Variants in EHF observed in about 807,000 individuals in gnomAD.
EHF encodes the protein ETS homologous factor.
In EHF, 14 loss-of-function variants were observed where a neutral mutation model predicts 45.1. That is an observed-to-expected ratio of 0.31 (90% CI 0.21 to 0.49). The LOEUF is 0.49. EHF is among the 20% of genes least tolerant of loss of function. EHF has a pLI of 0.99. For missense variants in EHF, 282 were observed against 371.4 expected (o/e 0.76, Z 1.98); for synonymous variants, 136 against 131.8 (o/e 1.03, Z -0.22).
intron 6 of EHF, among the ~76,000 whole-genome samples, chr11:34,653,881 C>G (rs1855443129): frequency 1.3e-5 from 2 of 152,208 alleles, no homozygotes; most frequent in Admixed American, 6.5e-5. Context: ...CTGATGCCCT[C>G]TGTGATAAAC....
At chr11:34,643,068 A>ATGTGTGTGTGTGTGTG (rs780809590) in intron 2 of EHF, among the ~76,000 whole-genome samples, 1 of 144,866 alleles carries the variant, frequency 6.9e-6, no homozygotes, top group African/African-American at 2.5e-5. Flanking sequence ...GAGAAAGGGT[A>ATGTGTGTGTGTGTGTG]TGTGTGTGTG....
intron 1 of EHF, among the ~76,000 whole-genome samples, chr11:34,640,634 A>G (rs1565032211): frequency 6.6e-6 from 1 of 152,200 alleles, no homozygotes. Flanking sequence ...CTTTAGGGCA[A>G]TTGCTCTACA....
chr11:34,644,048 A>G (rs1422385359), intron 2 of EHF, among the ~76,000 whole-genome samples: 2 of 152,210 alleles, frequency 1.3e-5, no homozygotes, highest in South Asian at 2.1e-4. Flanking sequence ...AACTTCAGGA[A>G]TTTGGTGGGT....
At chr11:34,630,344 T>A (rs370375331) in intron 1 of EHF, among the ~76,000 whole-genome samples, 88 of 152,352 alleles carry the variant, frequency 5.8e-4, no homozygotes, top group African/African-American at 2.0e-3. Context: ...AAATGGTGCT[T>A]ATATTAGTAC....
intron 1 of EHF, among the ~76,000 whole-genome samples, chr11:34,638,826 C>G (rs1410551128): frequency 6.6e-6 from 1 of 152,222 alleles, no homozygotes; most frequent in Non-Finnish European, 1.5e-5. Flanking sequence ...GAAGTGAGTT[C>G]TTTTCCCAGC....
chr11:34,633,304 A>G (rs1853079619), intron 1 of EHF, among the ~76,000 whole-genome samples: 1 of 152,164 alleles, frequency 6.6e-6, no homozygotes, highest in Admixed American at 6.5e-5. Context: ...TCTACATTGA[A>G]TCTTTTGTCT....
intron 1 of EHF, among the ~76,000 whole-genome samples, chr11:34,637,744 C>T (rs1023311294): frequency 1.3e-5 from 2 of 151,982 alleles, no homozygotes; most frequent in East Asian, 3.9e-4. Flanking sequence ...AAACTTCTGC[C>T]CAAAGAGGTG....
chr11:34,661,679 A>T lies in EHF; in HGVS notation c.*2748A>T, dbSNP rs531582146. Among the ~76,000 whole-genome samples, 2 of 152,278 alleles carry T rather than the reference A, an allele frequency of 1.3e-5. No homozygotes were observed. The highest frequency in any genetic ancestry group is 3.9e-4 in the East Asian group (2 of 5,180). ...CGAGCTATGCCAACTTGGGGTGGTA[A>T]CAGAGTACTTCCCACCACAGTGTTG... On this transcript the variant is annotated 3_prime_UTR_variant, in exon 9 of 9. Transcript: ENST00000257831.
intron 1 of EHF, among the ~76,000 whole-genome samples, chr11:34,636,977 C>T (rs980033823): frequency 6.9e-6 from 1 of 145,282 alleles, no homozygotes; most frequent in Non-Finnish European, 1.5e-5. Flanking sequence ...TGTGGTGAGC[C>T]GAGATTGCGC....
chr11:34,654,090 G>A (rs575337981), intron 6 of EHF, among the ~76,000 whole-genome samples: 5 of 152,320 alleles, frequency 3.3e-5, no homozygotes, highest in East Asian at 3.9e-4. Context: ...TGTATATCCC[G>A]TAAAGAAATG....
chr11:34,635,840 G>C (rs1220570408), intron 1 of EHF, among the ~76,000 whole-genome samples: 1 of 152,050 alleles, frequency 6.6e-6, no homozygotes. Context: ...AGAGGAAGAG[G>C]GACAGGAGGG....
chr11:34,656,354 A>G (rs1177384627), intron 6 of EHF, among the ~76,000 whole-genome samples: 2 of 152,032 alleles, frequency 1.3e-5, no homozygotes, highest in Admixed American at 6.6e-5. Flanking sequence ...CTTAAAAGTC[A>G]TCTTCCTTTG....
chr11:34,651,787 A>C lies in EHF; in HGVS notation c.526A>C (p.Thr176Pro). The C allele has an allele frequency of 6.2e-7, 1 of 1,613,708 alleles. No individual in the cohort carries two copies. The highest frequency in any genetic ancestry group is 8.5e-7 in the Non-Finnish European group (1 of 1,179,802). Residue 176 changes from threonine (T) to proline (P), a missense_variant, in exon 6 of 9, where the codon ACC (threonine) becomes CCC (proline). Physicochemically the swap from Thr to Pro is conservative, Grantham distance 38. Around this residue, in one of 3 missense-constraint regions of EHF, gnomAD observed 213 missense variants for 247.3 expected, o/e 0.86. Coordinates refer to ENST00000257831, the MANE Select transcript of EHF (RefSeq NM_012153.6). The stretch of plus-strand genomic sequence containing the variant: ...CCGGGCTCAGATCTCCATGACAACC[A>C]CCAGTCACCTTCCTGTTGGTAAGCT... ...FCRAQISMTT[T>P]SHLPVAESPD...
At chr11:34,645,524 A>G (rs1301552839) in intron 2 of EHF, among the ~76,000 whole-genome samples, 1 of 152,208 alleles carries the variant, frequency 6.6e-6, no homozygotes, top group Admixed American at 6.5e-5. Flanking sequence ...TTTACAAAGG[A>G]GAATAAGACG....
chr11:34,625,907 AGGG>A (rs925269480), intron 1 of EHF, among the ~76,000 whole-genome samples: 1 of 151,918 alleles, frequency 6.6e-6, no homozygotes, highest in African/African-American at 2.4e-5. Flanking sequence ...AGTTGTTACT[AGGG>A]GTACTTGCCT....
intron 1 of EHF, chr11:34,631,561 C>T: frequency 1.0e-6 from 1 of 984,648 alleles, no homozygotes; most frequent in Non-Finnish European, 1.2e-6. Context: ...CAGGCCCTTT[C>T]CACCTGGGAC....
intron 1 of EHF, among the ~76,000 whole-genome samples, chr11:34,638,012 C>T (rs1209137934): frequency 6.6e-6 from 1 of 152,000 alleles, no homozygotes; most frequent in East Asian, 1.9e-4. Context: ...AGCGATTCTC[C>T]TGCCTCAACC....
intron 1 of EHF, among the ~76,000 whole-genome samples, chr11:34,627,582 G>A (rs139563338): frequency 6.6e-6 from 1 of 152,228 alleles, no homozygotes; most frequent in Non-Finnish European, 1.5e-5. Flanking sequence ...AGACACTCTG[G>A]GGTCTACCTC....
chr11:34,632,387 A>G lies in EHF; in HGVS notation c.-3-10241A>G, dbSNP rs147187689. The G allele has an allele frequency of 1.1e-3, 1,338 of 1,258,360 alleles. 16 individuals are homozygous for G. The African/African-American group carries it at 0.018, about 17-fold the overall frequency. The allele number at this position is 1,258,360 out of a possible 1,614,324, so 77.9% of individuals were successfully genotyped here. On this transcript the variant is annotated intron_variant, in intron 1 of 8. Transcript: ENST00000257831. ...AACAGCTCTGTTTACGGTGGGTTTT[A>G]TGTTAACAACCTGCTCCTGACCCTC...
Sources: gnomAD v4.1 joint callset for allele counts (sites outside exome capture counted in the v4.1 genomes callset) on GRCh38, gnomAD v4.1.1 for gene constraint, gnomAD v4.1.1 regional missense constraint, MANE v1.5 for transcripts, NCBI Gene and HGNC (gene_info 2026-07-23, HGNC 2026-07-21) for gene names.